FBXL16: variants seen among roughly 807,000 people sequenced by gnomAD.
FBXL16 encodes F-box and leucine rich repeat protein 16.
In FBXL16, 7 loss-of-function variants were observed where a neutral mutation model predicts 36.7. The ratio of observed to expected loss-of-function variants is 0.19; its 90% CI spans 0.11 to 0.36. The LOEUF is 0.36. FBXL16 is among the 10% of genes least tolerant of loss of function. FBXL16 has a pLI of 1.00. For missense variants in FBXL16, 463 were observed against 659.4 expected (o/e 0.70, Z 3.26); for synonymous variants, 355 against 308.7 (o/e 1.15, Z -1.57).
chr16:696,026 C>G (rs997098254), intron 2 of FBXL16, 103 bp from the exon 3 acceptor site: 2 of 1,435,450 alleles, frequency 1.4e-6, no homozygotes, highest in African/African-American at 1.4e-5. Flanking sequence ...ACCCTGAAAA[C>G]ATTTGGCAGT....
rs188922256 is a variant in FBXL16, at chr16:695,352, C to A, written c.1142+63G>T. 8,184 of 1,117,074 alleles carry A rather than the reference C, an allele frequency of 7.3e-3. 482 individuals are homozygous for A. In the African/African-American group the frequency reaches 0.12, roughly 17 times the overall value. The allele number at this position is 1,117,074 out of a possible 1,614,324, so 69.2% of individuals were successfully genotyped here. A position where few individuals can be genotyped will look rare whatever the true frequency, so the allele number is the denominator to read the frequency against. ...GCCCCCGGCCCCGTGCAGCCCCGCC[C>A]CGCCCCGCCCCGTGCAGCCCCGCCC... On this transcript the variant is annotated intron_variant, in intron 3 of 5. Transcript: ENST00000397621.
chr16:705,107 C>T (rs1447799128), intron 1 of FBXL16, among the ~76,000 whole-genome samples: 5 of 152,168 alleles, frequency 3.3e-5, no homozygotes, highest in Non-Finnish European at 5.9e-5. Context: ...CCCCTCAGGC[C>T]GCACATCCAC....
chr16:697,321 C>A lies in FBXL16; in HGVS notation c.85G>T (p.Gly29Cys). Residue 29 changes from glycine to cysteine, a missense_variant, in exon 2 of 6, where the codon GGC becomes TGC. This residue lies in a region of FBXL16 where 263 missense variants were observed against 341.1 expected (regional missense o/e 0.77). Coordinates refer to ENST00000397621, the MANE Select transcript of FBXL16 (RefSeq NM_153350.4). The surrounding 1 kb of genome is among the most constrained non-coding windows in gnomAD (Gnocchi z 4.6). ...GLVKLPGQPN[G>C]LGAASITKGT... ...TTGGTGATGCTGGCCGCACCCAGGCCGTTGGGCTGGCCCGGCAGCTTCACC... is the reference window on the plus strand; with the variant it reads ...TTGGTGATGCTGGCCGCACCCAGGCAGTTGGGCTGGCCCGGCAGCTTCACC... 1 of 1,535,252 alleles carries A rather than the reference C, an allele frequency of 6.5e-7. No individual in the cohort carries two copies. Among genetic ancestry groups the A allele is most frequent in the East Asian group, 2.4e-5 (1 of 40,878 alleles).
Position 694,056 on chromosome 16 carries a change from G to A in FBXL16, c.*219C>T, listed in dbSNP as rs2039991170. ...TCCCCGAGTGTGCGTGCGTGCGTGG[G>A]GCGGGCCCACCCGCCGCCCCCCTGC... On this transcript the variant is annotated 3_prime_UTR_variant, in exon 6 of 6. Coordinates refer to ENST00000397621, the MANE Select transcript of FBXL16 (RefSeq NM_153350.4). 1 of 235,554 alleles carries A rather than the reference G, an allele frequency of 4.2e-6. No homozygotes were observed. The allele number at this position is 235,554 out of a possible 1,614,324, so 14.6% of individuals were successfully genotyped here.
chr16:695,172 G>T (rs1248542772), intron 3 of FBXL16, 96 bp from the exon 4 acceptor site: 8 of 1,337,574 alleles, frequency 6.0e-6, no homozygotes, highest in Non-Finnish European at 8.2e-6. Context: ...ATCCCTTCCT[G>T]CCCCACCCGG....
In FBXL16 at chr16:697,417, G is replaced by T. The variant is rs769772073; in HGVS notation, c.-12C>A. ...CCCGGGCTCGACATCTTCCTGGCAC[G>T]CTCTGTGGATGAGGGCCGGGAGGGG... On this transcript the variant is annotated splice_region_variant and 5_prime_UTR_variant, in exon 2 of 6. Transcript: ENST00000397621. The surrounding 1 kb of genome is among the most constrained non-coding windows in gnomAD (Gnocchi z 4.6). The T allele has an allele frequency of 1.6e-5, 25 of 1,528,432 alleles. 1 individual carries two copies. The Admixed American group carries it at 4.2e-4, about 26-fold the overall frequency. 94.7% of individuals were successfully genotyped at this position (1,528,432 alleles called of 1,614,324 possible). A position where few individuals can be genotyped will look rare whatever the true frequency, so the allele number is the denominator to read the frequency against.
chr16:701,249 T>TG (rs1262314904), intron 1 of FBXL16, among the ~76,000 whole-genome samples: 1 of 152,132 alleles, frequency 6.6e-6, no homozygotes, highest in African/African-American at 2.4e-5. Flanking sequence ...GTCCGGGGCC[T>TG]GGCTTCCCTC....
rs1358303675 is a variant in FBXL16 at position 705,568 on chromosome 16, G to C, written c.-71C>G. 1 of 150,298 alleles carries C rather than the reference G, an allele frequency of 6.7e-6. No individual in the cohort carries two copies. The highest frequency in any genetic ancestry group is 1.5e-5 in the Non-Finnish European group (1 of 67,352). 9.3% of individuals were successfully genotyped at this position (150,298 alleles called of 1,614,324 possible). On this transcript the variant is annotated 5_prime_UTR_variant, in exon 1 of 6. Coordinates refer to ENST00000397621, the MANE Select transcript of FBXL16 (RefSeq NM_153350.4). The stretch of plus-strand genomic sequence containing the variant: ...GTCCGCCGGGCGACCTCCCGTCATG[G>C]GGAGCCCGGCATGGGCGTCGGCGCG...
chr16:696,415 C>A (rs2040011778), intron 2 of FBXL16, among the ~76,000 whole-genome samples: 1 of 152,104 alleles, frequency 6.6e-6, no homozygotes, highest in Admixed American at 6.5e-5. Flanking sequence ...AGGTGCCCAC[C>A]ACCAGGCCTG....
chr16:701,787 G>C (rs1476395829), intron 1 of FBXL16, among the ~76,000 whole-genome samples: 1 of 152,240 alleles, frequency 6.6e-6, no homozygotes, highest in Non-Finnish European at 1.5e-5. Flanking sequence ...ATACGGGGAA[G>C]AGACTTGTTA....
intron 1 of FBXL16, among the ~76,000 whole-genome samples, chr16:698,301 C>A (rs1328776562): frequency 1.3e-5 from 2 of 152,226 alleles, no homozygotes; most frequent in Non-Finnish European, 2.9e-5. Flanking sequence ...CCGTGCCTGA[C>A]CGGAAACCTT....
chr16:694,778 C>G, intron 4 of FBXL16, 81 bp from the exon 5 acceptor site: 1 of 1,450,098 alleles, frequency 6.9e-7, no homozygotes, highest in Non-Finnish European at 9.5e-7. Flanking sequence ...GAGGGCTAGG[C>G]GGGTTCAAGC....
In FBXL16 at chr16:696,788, C is replaced by G; in HGVS notation, c.618G>C (p.Thr206=). 7.3e-7 allele frequency: 1 copy of G among 1,369,402 alleles called. No individual in the cohort carries two copies. The highest frequency in any genetic ancestry group is 9.5e-7 in the Non-Finnish European group (1 of 1,054,072). 84.8% of individuals were successfully genotyped at this position (1,369,402 alleles called of 1,614,324 possible). ...KAMSLKRSTI[T]DAGLEVMLEQ... is the part of the protein sequence containing the mutation. Reference sequence around the variant, plus strand: ...TGGTGCACACCTCGAGGCCTGCGTCCGTGATGGTGGAGCGCTTGAGGCTCA... The same window carrying G: ...TGGTGCACACCTCGAGGCCTGCGTCGGTGATGGTGGAGCGCTTGAGGCTCA... Residue 206 remains threonine (T), a synonymous_variant, in exon 2 of 6, where the codon ACG becomes ACC. Transcript: ENST00000397621.
In FBXL16 at chr16:694,683, C is replaced by G. The variant is rs766911599; in HGVS notation, c.1242G>C (p.Gly414=). The G allele has an allele frequency of 2.5e-6, 4 of 1,607,854 alleles. No homozygotes were observed. The East Asian group carries it at 9.0e-5, about 36-fold the overall frequency. ...TCCCCAGGGCCAGGAGGTGCTTCAG[C>G]CCGAAGTCTTGCACCTGTCGGGAGT... The part of the protein sequence containing the change: ...LRWCCQVQDF[G]LKHLLALGSL... The change falls in exon 5 of 6, where the codon GGG becomes GGC. Residue 414 remains glycine (G), a synonymous_variant. Transcript: ENST00000397621.
chr16:694,379 G>A lies in FBXL16; in HGVS notation c.1336C>T (p.Leu446=). The A allele has an allele frequency of 6.5e-7, 1 of 1,542,876 alleles. No homozygotes were observed. The highest frequency in any genetic ancestry group is 2.2e-4 in the Middle Eastern group (1 of 4,614). The change falls in exon 6 of 6, where the codon CTG becomes TTG. Residue 446 remains leucine (L), a synonymous_variant. Coordinates refer to ENST00000397621, the MANE Select transcript of FBXL16 (RefSeq NM_153350.4). ...TTTGLSGLVQ[L]QELEELELTN... ...AGCTCCAGCTCCTCCAGCTCCTGCA[G>A]CTGCACCAGGCCCGACAGCCCGGTG...
At chr16:703,558 T>C (rs1303527637) in intron 1 of FBXL16, among the ~76,000 whole-genome samples, 1 of 152,108 alleles carries the variant, frequency 6.6e-6, no homozygotes, top group East Asian at 1.9e-4. Flanking sequence ...TGGCTGGGGA[T>C]TGGGGACAGG....
rs750594699 is a variant in FBXL16 at position 697,304 on chromosome 16, G to A, written c.102C>T (p.Ser34=). ...PGQPNGLGAA[S]ITKGTPATKN... Reference sequence around the variant, plus strand: ...TGGTGGCTGGCGTGCCCTTGGTGATGCTGGCCGCACCCAGGCCGTTGGGCT... The same window carrying A: ...TGGTGGCTGGCGTGCCCTTGGTGATACTGGCCGCACCCAGGCCGTTGGGCT... The change falls in exon 2 of 6, where the codon AGC becomes AGT. Residue 34 remains serine (S), a synonymous_variant. Coordinates refer to ENST00000397621, the MANE Select transcript of FBXL16 (RefSeq NM_153350.4). This position sits in a 1 kb window ranked among gnomAD's most constrained non-coding sequence, Gnocchi z 4.6. The A allele has an allele frequency of 3.5e-5, 54 of 1,533,100 alleles. No homozygotes were observed. In the South Asian group the frequency reaches 5.7e-4, roughly 16 times the overall value. The allele number at this position is 1,533,100 out of a possible 1,614,324, so 95.0% of individuals were successfully genotyped here.
Position 697,859 on chromosome 16 carries a change from G to C in FBXL16, c.-14-440C>G, listed in dbSNP as rs576205342. ...TCTAAAAATACAAAAAATTAGCTGGGCATGGTGGCAGGCGCCTGTAGTACC... is the reference window on the plus strand; with the variant it reads ...TCTAAAAATACAAAAAATTAGCTGGCCATGGTGGCAGGCGCCTGTAGTACC... On this transcript the variant is annotated intron_variant, in intron 1 of 5. Coordinates refer to ENST00000397621, the MANE Select transcript of FBXL16 (RefSeq NM_153350.4). This position sits in a 1 kb window ranked among gnomAD's most constrained non-coding sequence, Gnocchi z 4.6. Among the ~76,000 whole-genome samples, 1 of 152,016 alleles carries C rather than the reference G, an allele frequency of 6.6e-6. No individual in the cohort carries two copies. The highest frequency in any genetic ancestry group is 1.9e-4 in the East Asian group (1 of 5,160).
chr16:705,001 C>T (rs1157189418), intron 1 of FBXL16, among the ~76,000 whole-genome samples: 2 of 152,240 alleles, frequency 1.3e-5, no homozygotes, highest in Non-Finnish European at 2.9e-5. Context: ...GCCTCCAGAA[C>T]CAGGAAGGTG....
Sources: allele counts gnomAD v4.1 joint callset (sites outside exome capture counted in the v4.1 genomes callset), GRCh38; gene constraint gnomAD v4.1.1; regional missense constraint gnomAD v4.1.1; non-coding constraint Gnocchi (gnomAD v3.1); transcripts MANE v1.5; gene names NCBI Gene and HGNC (gene_info 2026-07-23, HGNC 2026-07-21).